BBS9: variants seen among roughly 807,000 people sequenced by gnomAD.
The protein encoded by BBS9 is protein PTHB1.
In BBS9, 89 loss-of-function variants were observed where a neutral mutation model predicts 117.7. The ratio of observed to expected loss-of-function variants is 0.76; its 90% confidence interval spans 0.64 to 0.90. The LOEUF is 0.90. Among genes scored for constraint, BBS9 ranks in the 40% least tolerant of loss-of-function variants. The pLI is 0.00. For synonymous variants in BBS9, 379 were observed against 370.9 expected (o/e 1.02, Z -0.25); for missense variants, 982 against 1,042.2 (o/e 0.94, Z 0.80).
intron 7 of BBS9, among the ~76,000 whole-genome samples, chr7:33,271,137 G>T (rs899824774): frequency 6.6e-6 from 1 of 152,062 alleles, no homozygotes; most frequent in African/African-American, 2.4e-5. Flanking sequence ...GGAGAAATAA[G>T]GATCTTTTCA....
At chr7:33,248,014 A>G (rs1795633153) in intron 5 of BBS9, among the ~76,000 whole-genome samples, 1 of 152,222 alleles carries the variant, frequency 6.6e-6, no homozygotes, top group Non-Finnish European at 1.5e-5. Flanking sequence ...ACACCTAGTA[A>G]TGGTCTTTGT....
At chr7:33,178,364 T>C (rs1243609842) in intron 5 of BBS9, among the ~76,000 whole-genome samples, 1 of 152,224 alleles carries the variant, frequency 6.6e-6, no homozygotes, top group Non-Finnish European at 1.5e-5. Context: ...GGTGTCTTTT[T>C]CTAATTAGCA....
intron 5 of BBS9, among the ~76,000 whole-genome samples, chr7:33,226,533 C>A (rs1241645441): frequency 2.6e-5 from 4 of 152,154 alleles, no homozygotes; most frequent in Non-Finnish European, 5.9e-5. Flanking sequence ...AGCAACTCCA[C>A]TCTGTGTATA....
intron 9 of BBS9, among the ~76,000 whole-genome samples, chr7:33,325,585 G>A (rs1357456867): frequency 6.6e-6 from 1 of 152,128 alleles, no homozygotes; most frequent in Non-Finnish European, 1.5e-5. Context: ...ATTTATTGTA[G>A]CCTTTGCAAT....
intron 4 of BBS9, among the ~76,000 whole-genome samples, chr7:33,163,224 G>A (rs1440974261): frequency 2.6e-5 from 4 of 152,212 alleles, no homozygotes; most frequent in Middle Eastern, 6.8e-3. Flanking sequence ...TGCTGGATTT[G>A]GTATGCCAGT....
In BBS9 at chr7:33,459,478, G is replaced by T. The variant is rs115761019; in HGVS notation, c.2116-45985G>T. Among the ~76,000 whole-genome samples the T allele has an allele frequency of 1.2e-3, 173 of 150,044 alleles. 1 individual carries two copies. Among genetic ancestry groups the T allele is most frequent in the African/African-American group, 3.7e-3 (146 of 39,498 alleles). ...AGTATCCAGCCCAAAATGTCCACAG[G>T]GCTGAGGTTGAGAAGCTCTGCTCTA... On this transcript the variant is annotated intron_variant, in intron 19 of 22. Transcript: ENST00000242067.
intron 21 of BBS9, among the ~76,000 whole-genome samples, chr7:33,629,200 G>A (rs1218952123): frequency 6.6e-6 from 1 of 152,190 alleles, no homozygotes; most frequent in Non-Finnish European, 1.5e-5. Context: ...TCCCCATACA[G>A]GGGCAAAAAC....
chr7:33,243,410 G>A (rs1794845316), intron 5 of BBS9, among the ~76,000 whole-genome samples: 1 of 152,144 alleles, frequency 6.6e-6, no homozygotes, highest in East Asian at 1.9e-4. Flanking sequence ...ATAAAATAAA[G>A]CCAGTCTTTG....
At chr7:33,508,589 A>G (rs1444572872) in intron 20 of BBS9, among the ~76,000 whole-genome samples, 3 of 152,246 alleles carry the variant, frequency 2.0e-5, no homozygotes, top group Non-Finnish European at 4.4e-5. Flanking sequence ...CATACTGCAT[A>G]TATCTTCCCT....
At chr7:33,556,712 G>T (rs976698371) in intron 21 of BBS9, among the ~76,000 whole-genome samples, 2 of 152,168 alleles carry the variant, frequency 1.3e-5, no homozygotes, top group African/African-American at 4.8e-5. Flanking sequence ...CTTTAGAGGT[G>T]TCAATTTGCT....
intron 16 of BBS9, among the ~76,000 whole-genome samples, chr7:33,360,902 T>C (rs1820501871): frequency 6.6e-6 from 1 of 152,190 alleles, no homozygotes; most frequent in Non-Finnish European, 1.5e-5. Context: ...ATGACTGTTA[T>C]GAAATACCTA....
intron 9 of BBS9, among the ~76,000 whole-genome samples, chr7:33,291,267 C>G (rs565239244): frequency 6.6e-6 from 1 of 151,888 alleles, no homozygotes; most frequent in Non-Finnish European, 1.5e-5. Flanking sequence ...TTTTTTATTT[C>G]TTTATTCCTT....
chr7:33,595,623 G>GT (rs1246340045), intron 21 of BBS9, among the ~76,000 whole-genome samples: 10 of 152,146 alleles, frequency 6.6e-5, no homozygotes, highest in African/African-American at 2.4e-4. Flanking sequence ...GGAAGACAGT[G>GT]TGGCGATTCC....
chr7:33,371,070 T>C (rs1188959680), intron 17 of BBS9, among the ~76,000 whole-genome samples: 1 of 152,210 alleles, frequency 6.6e-6, no homozygotes, highest in Non-Finnish European at 1.5e-5. Flanking sequence ...ATCATTTTGT[T>C]TCCATTTTCA....
intron 21 of BBS9, among the ~76,000 whole-genome samples, chr7:33,600,265 C>T (rs1863591707): frequency 6.6e-6 from 1 of 152,160 alleles, no homozygotes. Context: ...GGCTTTTTTA[C>T]GACTGTTGAA....
intron 4 of BBS9, among the ~76,000 whole-genome samples, chr7:33,162,813 C>T (rs1795058836): frequency 6.6e-6 from 1 of 152,078 alleles, no homozygotes; most frequent in East Asian, 1.9e-4. Flanking sequence ...TAATTGAATA[C>T]CCTTTATTTC....
At chr7:33,179,762 T>G (rs1377051727) in intron 5 of BBS9, among the ~76,000 whole-genome samples, 1 of 152,184 alleles carries the variant, frequency 6.6e-6, no homozygotes, top group Non-Finnish European at 1.5e-5. Context: ...GGAAAAATTG[T>G]CTTCCACAAA....
chr7:33,314,434 T>A lies in BBS9; in HGVS notation c.1017-22007T>A, dbSNP rs1810022212. The A allele has an allele frequency of 2.2e-5, 5 of 229,510 alleles. No homozygotes were observed. In the South Asian group the frequency reaches 2.7e-4, roughly 12 times the overall value. The allele number at this position is 229,510 out of a possible 1,614,324, so 14.2% of individuals were successfully genotyped here. On this transcript the variant is annotated intron_variant, in intron 9 of 22. Coordinates refer to ENST00000242067, the MANE Select transcript of BBS9 (RefSeq NM_198428.3). The stretch of plus-strand genomic sequence containing the variant: ...ATAGTCTTTTGGTATTGCCCACTTT[T>A]GGCATTACCATATTATTTGACAATT...
At position 33,280,905 on chromosome 7, in the gene BBS9, G is replaced by GTTTTTTTTTTTTTTTTTTTTTTTT. The variant is rs748350404; in HGVS notation, c.1016+6954_1016+6955insTTTTTTTTTTTTTTTTTTTTTTTT. On this transcript the variant is annotated intron_variant, in intron 9 of 22. Coordinates refer to ENST00000242067, the MANE Select transcript of BBS9 (RefSeq NM_198428.3). ...GTTTAAGTTTTGCTGTTAATTTGTC[G>GTTTTTTTTTTTTTTTTTTTTTTTT]TTTTTGTTTTTTTTTTTTTTTTTTT... is the stretch of plus-strand genomic sequence containing the variant. 1.4e-4 allele frequency among the ~76,000 whole-genome samples: 7 copies of GTTTTTTTTTTTTTTTTTTTTTTTT among 48,770 alleles called. 2 individuals are homozygous for GTTTTTTTTTTTTTTTTTTTTTTTT. Among genetic ancestry groups the GTTTTTTTTTTTTTTTTTTTTTTTT allele is most frequent in the Non-Finnish European group, 7.6e-5 (2 of 26,442 alleles). The allele number at this position is 48,770 out of a possible 152,430, so 32.0% of individuals were successfully genotyped here. A position where few individuals can be genotyped will look rare whatever the true frequency, so the allele number is the denominator to read the frequency against.
Sources: allele counts gnomAD v4.1 joint callset (sites outside exome capture counted in the v4.1 genomes callset), GRCh38; gene constraint gnomAD v4.1.1; transcripts MANE v1.5; gene names NCBI Gene and HGNC (gene_info 2026-07-23, HGNC 2026-07-21).